Variants in WFS1 observed in about 807,000 individuals in gnomAD.
The protein encoded by WFS1 is wolframin ER transmembrane glycoprotein, also known as wolframin.
In WFS1, 90 loss-of-function variants were observed where a neutral mutation model predicts 68.5. That is an observed-to-expected ratio of 1.31 (90% CI 1.11 to 1.56). WFS1 has a LOEUF of 1.56. WFS1 is among the 40% of genes most tolerant of loss of function. WFS1 has a pLI of 0.00. For synonymous variants in WFS1, 860 were observed against 540.7 expected, an observed-to-expected ratio of 1.59 and a Z score of -8.19; for missense variants, 1,767 against 1,232.6, an observed-to-expected ratio of 1.43 and a Z score of -6.49.
intron 2 of WFS1, among the ~76,000 whole-genome samples, chr4:6,281,296 C>G (rs1418205984): frequency 6.6e-6 from 1 of 152,124 alleles, no homozygotes. Context: ...CTAAGGGCAC[C>G]CTGGGCAGAG....
intron 7 of WFS1, among the ~76,000 whole-genome samples, chr4:6,296,843 A>T (rs1233995866): frequency 3.3e-5 from 5 of 152,206 alleles, no homozygotes; most frequent in Admixed American, 3.3e-4. Flanking sequence ...ATGTTACTTA[A>T]TGACAGGGTC....
intron 7 of WFS1, among the ~76,000 whole-genome samples, chr4:6,297,450 G>A (rs939574873): frequency 2.0e-5 from 3 of 152,174 alleles, no homozygotes; most frequent in African/African-American, 7.2e-5. Flanking sequence ...GCCTGGAGGT[G>A]CAAGCTGTCA....
intron 1 of WFS1, among the ~76,000 whole-genome samples, chr4:6,271,762 G>C (rs142963526): frequency 6.6e-6 from 1 of 152,158 alleles, no homozygotes; most frequent in Admixed American, 6.5e-5. Context: ...GTCCCGATCC[G>C]GGCCTGGCTG....
At chr4:6,278,944 A>AT (rs1730076041) in intron 2 of WFS1, among the ~76,000 whole-genome samples, 1 of 152,192 alleles carries the variant, frequency 6.6e-6, no homozygotes, top group Non-Finnish European at 1.5e-5. Flanking sequence ...AGAGTCCAAG[A>AT]CTGTGTGTTT....
chr4:6,300,860 C>T lies in WFS1; in HGVS notation c.1065C>T (p.Ile355=). Residue 355 remains isoleucine, a synonymous_variant, in exon 8 of 8, where the codon ATC becomes ATT. Coordinates refer to ENST00000226760, the MANE Select transcript of WFS1 (RefSeq NM_006005.3). ...IPLVIFYLSF[I]SMVICTLKVF... is the part of the protein sequence containing the mutation. ...TGGTCATCTTCTACCTGTCCTTCAT[C>T]TCCATGGTGATCTGCACCCTCAAGG... 6.2e-7 allele frequency: 1 copy of T among 1,614,156 alleles called. No individual in the cohort carries two copies. The highest frequency in any genetic ancestry group is 2.2e-5 in the East Asian group (1 of 44,880).
chr4:6,298,417 C>CT (rs1262074650), intron 7 of WFS1, among the ~76,000 whole-genome samples: 1 of 152,234 alleles, frequency 6.6e-6, no homozygotes, highest in South Asian at 2.1e-4. Context: ...GAGCGCCTCT[C>CT]TGCTCATGTA....
rs1218289778 is a variant in WFS1, at chr4:6,283,200, C to T, written c.233-3893C>T. ...ATCTCTCAAATCCATAGGGCCCGTG[C>T]ATGACAAATAATTAAAAAGATGTAG... On this transcript the variant is annotated intron_variant, in intron 2 of 7. Coordinates refer to ENST00000226760, the MANE Select transcript of WFS1 (RefSeq NM_006005.3). The surrounding 1 kb of genome is among the most constrained non-coding windows in gnomAD (Gnocchi z 5.0). Among the ~76,000 whole-genome samples the T allele has an allele frequency of 6.6e-6, 1 of 152,158 alleles. No homozygotes were observed. Among genetic ancestry groups the T allele is most frequent in the African/African-American group, 2.4e-5 (1 of 41,438 alleles).
chr4:6,300,341 G>A (rs1730833028), intron 7 of WFS1, among the ~76,000 whole-genome samples: 1 of 152,118 alleles, frequency 6.6e-6, no homozygotes. Flanking sequence ...GGAGCCCGTG[G>A]GTCCCTCCAG....
In WFS1 at chr4:6,288,986, G is replaced by A; in HGVS notation, c.316-1G>A. On this transcript the variant is annotated splice_acceptor_variant, in intron 3 of 7. Transcript: ENST00000226760. LOFTEE classifies it high-confidence loss of function. ...GAGGCTGACTGGTGTCTGGCTTGCA[G>A]GTGGGGAAGCACTACCTGCAGTTGG... is the stretch of plus-strand genomic sequence containing the variant. The A allele has an allele frequency of 6.2e-7, 1 of 1,608,196 alleles. No homozygotes were observed. The highest frequency in any genetic ancestry group is 8.5e-7 in the Non-Finnish European group (1 of 1,177,830).
Position 6,289,082 on chromosome 4 carries a change from C to A in WFS1, c.411C>A (p.Gly137=). The change falls in exon 4 of 8, where the codon GGC becomes GGA. Residue 137 remains glycine, a synonymous_variant. Coordinates refer to ENST00000226760, the MANE Select transcript of WFS1 (RefSeq NM_006005.3). ...VDWLVLAAKQ[G]RREAVKLLRR... ...GGCTGGTCCTCGCCGCGAAGCAGGG[C>A]CGTCGCGAGGCTGTGAAGCTGCTTC... 1 of 1,586,908 alleles carries A rather than the reference C, an allele frequency of 6.3e-7. No homozygotes were observed. Among genetic ancestry groups the A allele is most frequent in the Admixed American group, 1.8e-5 (1 of 55,774 alleles).
At chr4:6,273,475 G>T (rs1466906272) in intron 1 of WFS1, among the ~76,000 whole-genome samples, 1 of 152,200 alleles carries the variant, frequency 6.6e-6, no homozygotes, top group Non-Finnish European at 1.5e-5. Context: ...AGCTGGAGAT[G>T]CCTGGATGCT....
At chr4:6,284,807 G>T (rs1220984025) in intron 2 of WFS1, among the ~76,000 whole-genome samples, 14 of 150,832 alleles carry the variant, frequency 9.3e-5, no homozygotes. Flanking sequence ...AGGTCGCACA[G>T]CACCTTACTG....
chr4:6,299,387 C>T (rs894403879), intron 7 of WFS1, among the ~76,000 whole-genome samples: 2 of 151,302 alleles, frequency 1.3e-5, no homozygotes, highest in Non-Finnish European at 2.9e-5. Flanking sequence ...AGCCTTTGGC[C>T]TTGACTATGG....
At chr4:6,292,974 C>A (rs1263067208) in intron 6 of WFS1, among the ~76,000 whole-genome samples, 1 of 152,212 alleles carries the variant, frequency 6.6e-6, no homozygotes, top group Admixed American at 6.5e-5. Context: ...GACATGGGTG[C>A]TTGCGCTGCT....
chr4:6,302,569 C>A lies in WFS1; in HGVS notation c.*101C>A. On this transcript the variant is annotated 3_prime_UTR_variant, in exon 8 of 8. Coordinates refer to ENST00000226760, the MANE Select transcript of WFS1 (RefSeq NM_006005.3). ...CATGCACCAGTGCCGCCTGTGCCCACGTGTGCAGACTGTGGCTGCAGAGAC... is the reference window on the plus strand; with the variant it reads ...CATGCACCAGTGCCGCCTGTGCCCAAGTGTGCAGACTGTGGCTGCAGAGAC... The A allele has an allele frequency of 1.3e-6, 2 of 1,534,164 alleles. No homozygotes were observed. Among genetic ancestry groups the A allele is most frequent in the Non-Finnish European group, 1.8e-6 (2 of 1,133,844 alleles).
rs967717862 is a variant in WFS1 at position 6,302,628 on chromosome 4, C to T, written c.*160C>T. On this transcript the variant is annotated 3_prime_UTR_variant, in exon 8 of 8. Coordinates refer to ENST00000226760, the MANE Select transcript of WFS1 (RefSeq NM_006005.3). ...CATGTGTAGATTGCGTGGACCCCGA[C>T]AAAGGGAAGGCTGCTGTGTAGCTCT... 9.9e-7 allele frequency: 1 copy of T among 1,006,460 alleles called. No individual in the cohort carries two copies. The allele number at this position is 1,006,460 out of a possible 1,614,324, so 62.3% of individuals were successfully genotyped here.
In WFS1 at chr4:6,269,858, G is replaced by A. The variant is rs1370865029; in HGVS notation, c.-162G>A. ...CCCTGCCCCGCCCCCTCGTGCAGAAGGCCGCGCTAGCCGGCTCTTCAGCAG... is the reference window on the plus strand; with the variant it reads ...CCCTGCCCCGCCCCCTCGTGCAGAAAGCCGCGCTAGCCGGCTCTTCAGCAG... On this transcript the variant is annotated 5_prime_UTR_variant, in exon 1 of 8. Coordinates refer to ENST00000226760, the MANE Select transcript of WFS1 (RefSeq NM_006005.3). The A allele has an allele frequency of 6.6e-6, 1 of 152,222 alleles. No homozygotes were observed. The highest frequency in any genetic ancestry group is 1.9e-4 in the East Asian group (1 of 5,180). The allele number at this position is 152,222 out of a possible 1,614,324, so 9.4% of individuals were successfully genotyped here.
Position 6,302,530 on chromosome 4 carries a change from C to T in WFS1, c.*62C>T. On this transcript the variant is annotated 3_prime_UTR_variant, in exon 8 of 8. Transcript: ENST00000226760. ...CCATGAGGCCTTTCCCCAGTGTGGC[C>T]CCAGCCCGACAGGCATGCACCAGTG... 1 of 1,602,078 alleles carries T rather than the reference C, an allele frequency of 6.2e-7. No homozygotes were observed. Among genetic ancestry groups the T allele is most frequent in the South Asian group, 1.1e-5 (1 of 90,506 alleles).
At chr4:6,282,486 G>A (rs1308181496) in intron 2 of WFS1, among the ~76,000 whole-genome samples, 25 of 152,264 alleles carry the variant, frequency 1.6e-4, no homozygotes, top group Non-Finnish European at 2.2e-4. Context: ...GAGGGAGGGA[G>A]AGGGCAGCAG....
Sources: gnomAD v4.1 joint callset for allele counts (sites outside exome capture counted in the v4.1 genomes callset) on GRCh38, gnomAD v4.1.1 for gene constraint, Gnocchi (gnomAD v3.1) non-coding constraint, MANE v1.5 for transcripts, NCBI Gene and HGNC (gene_info 2026-07-23, HGNC 2026-07-21) for gene names.